GRM5: variants seen among roughly 807,000 people sequenced by gnomAD.
GRM5 encodes metabotropic glutamate receptor 5.
In GRM5, 19 loss-of-function variants were observed where a neutral mutation model predicts 83.1. That is an observed-to-expected ratio of 0.23 (90% CI 0.16 to 0.34). The LOEUF (loss-of-function observed/expected upper bound fraction) is 0.34, where lower values mean the gene tolerates loss of function less well. Ranked by LOEUF, GRM5 falls within the 10% of genes least tolerant of loss-of-function variation. The probability of loss-of-function intolerance (pLI) is 1.00; values close to 1 mark genes in which losing one functional copy is unlikely to be tolerated. For synonymous variants in GRM5, 675 were observed against 633.6 expected (o/e 1.07, Z -0.98); for missense variants, 1,160 against 1,588.3 (o/e 0.73, Z 4.58).
At chr11:88,662,406 G>A (rs11020838) in intron 3 of GRM5, among the ~76,000 whole-genome samples, 8,678 of 152,078 alleles carry the variant, frequency 0.057, 517 homozygotes, top group African/African-American at 0.16. Context: ...ACATGTATTG[G>A]AAAACAGGGA....
chr11:89,061,995 T>G (rs1173434819), intron 1 of GRM5, among the ~76,000 whole-genome samples: 1 of 152,312 alleles, frequency 6.6e-6, no homozygotes, highest in East Asian at 1.9e-4. Flanking sequence ...TGTACATTTT[T>G]CTCCTAAGAA....
At chr11:88,650,628 G>T (rs1217397676) in intron 4 of GRM5, among the ~76,000 whole-genome samples, 1 of 151,814 alleles carries the variant, frequency 6.6e-6, no homozygotes, top group African/African-American at 2.4e-5. Flanking sequence ...AAGAAACTAG[G>T]GTCAAAAGTA....
At chr11:88,576,139 G>A (rs947480127) in intron 7 of GRM5, among the ~76,000 whole-genome samples, 3 of 152,066 alleles carry the variant, frequency 2.0e-5, no homozygotes, top group Admixed American at 2.0e-4. Flanking sequence ...ATAATAAAGC[G>A]TGCTGACTGG....
chr11:88,854,116 A>G lies in GRM5; in HGVS notation c.662-3961T>C, dbSNP rs1418831469. On this transcript the variant is annotated intron_variant, in intron 2 of 9. Transcript: ENST00000305447. ...CTAGTCAGCCTAAAAACCCTAAAAA[A>G]TGGGTTTAAAAAGAAAAATTTCTGC... Among the ~76,000 whole-genome samples, 3 of 149,690 alleles carry G rather than the reference A, an allele frequency of 2.0e-5. No individual in the cohort carries two copies. In the Admixed American group the frequency reaches 2.0e-4, roughly 10 times the overall value.
At chr11:88,865,251 C>T (rs985886500) in intron 2 of GRM5, among the ~76,000 whole-genome samples, 1 of 151,966 alleles carries the variant, frequency 6.6e-6, no homozygotes, top group Non-Finnish European at 1.5e-5. Flanking sequence ...TCAGAAATAA[C>T]ACCACAAATC....
chr11:88,845,539 T>A (rs1182486901), intron 3 of GRM5, among the ~76,000 whole-genome samples: 2 of 150,226 alleles, frequency 1.3e-5, no homozygotes, highest in Non-Finnish European at 3.0e-5. Context: ...GTTTGCGCCA[T>A]TCTCCTGCCT....
chr11:89,002,772 T>G (rs1342950520), intron 2 of GRM5, among the ~76,000 whole-genome samples: 1 of 152,098 alleles, frequency 6.6e-6, no homozygotes, highest in Non-Finnish European at 1.5e-5. Context: ...GGCTTCCATT[T>G]TTATGAAGGA....
intron 2 of GRM5, among the ~76,000 whole-genome samples, chr11:88,912,610 T>TA (rs905955956): frequency 5.9e-5 from 9 of 152,190 alleles, no homozygotes; most frequent in African/African-American, 2.2e-4. Context: ...CATAAGTTTT[T>TA]AAAAAATGTC....
Position 88,941,005 on chromosome 11 carries a change from C to T in GRM5, c.662-90850G>A, listed in dbSNP as rs1417202713. Among the ~76,000 whole-genome samples, 7 of 151,914 alleles carry T rather than the reference C, an allele frequency of 4.6e-5. No homozygotes were observed. In the South Asian group the frequency reaches 8.3e-4, roughly 18 times the overall value. On this transcript the variant is annotated intron_variant, in intron 2 of 9. Transcript: ENST00000305447. ...CCCCTAACTCTATCATCAAAAGGGC[C>T]AAAGCACAATGAAACAACCAAGAGG...
chr11:88,655,042 C>T (rs1939731851), intron 3 of GRM5, among the ~76,000 whole-genome samples: 1 of 151,930 alleles, frequency 6.6e-6, no homozygotes, highest in African/African-American at 2.4e-5. Context: ...AAAAAATAAA[C>T]AGAAAGAACA....
intron 3 of GRM5, among the ~76,000 whole-genome samples, chr11:88,707,301 G>A (rs1334411343): frequency 6.6e-6 from 1 of 152,036 alleles, no homozygotes; most frequent in Non-Finnish European, 1.5e-5. Flanking sequence ...CCTGGGATTT[G>A]GTAGGTTCTA....
intron 3 of GRM5, among the ~76,000 whole-genome samples, chr11:88,735,353 G>A (rs187677094): frequency 3.2e-4 from 49 of 152,044 alleles, no homozygotes; most frequent in African/African-American, 8.7e-4. Flanking sequence ...GAAATAAAAC[G>A]AGTTTTCAGG....
chr11:88,553,320 C>T (rs765291111), intron 8 of GRM5, among the ~76,000 whole-genome samples: 14 of 152,156 alleles, frequency 9.2e-5, no homozygotes, highest in Non-Finnish European at 1.6e-4. Context: ...GTCCATTCTC[C>T]AGCAATAAGC....
At chr11:88,526,934 G>C (rs1941892564) in intron 8 of GRM5, among the ~76,000 whole-genome samples, 1 of 152,100 alleles carries the variant, frequency 6.6e-6, no homozygotes, top group South Asian at 2.1e-4. Flanking sequence ...AACAGTAGGA[G>C]AAGGAAGGAA....
chr11:88,567,043 C>A lies in GRM5; in HGVS notation c.2630+10G>T, dbSNP rs1393262708. 6.4e-7 allele frequency: 1 copy of A among 1,567,086 alleles called. No homozygotes were observed. The highest frequency in any genetic ancestry group is 1.8e-5 in the Admixed American group (1 of 56,412). On this transcript the variant is annotated intron_variant, in intron 8 of 9. Coordinates refer to ENST00000305447, the MANE Select transcript of GRM5 (RefSeq NM_001143831.3). This position sits in a 1 kb window ranked among gnomAD's most constrained non-coding sequence, Gnocchi z 7.3. ...GGGCCAGCATCCCTGTAAGCCCCCA[C>A]AACTTTTACCTTAAGGTTTCCCCAG...
intron 3 of GRM5, among the ~76,000 whole-genome samples, chr11:88,673,327 A>G (rs909065249): frequency 6.6e-6 from 1 of 151,896 alleles, no homozygotes; most frequent in African/African-American, 2.4e-5. Context: ...GAGTATGAGG[A>G]AGGAAAACAA....
At chr11:88,797,538 A>C (rs1943304645) in intron 3 of GRM5, among the ~76,000 whole-genome samples, 1 of 152,250 alleles carries the variant, frequency 6.6e-6, no homozygotes, top group African/African-American at 2.4e-5. Context: ...TAGCACAAAT[A>C]ATCTTACTAT....
intron 2 of GRM5, among the ~76,000 whole-genome samples, chr11:88,929,790 CA>C (rs1399142078): frequency 2.6e-5 from 4 of 151,906 alleles, no homozygotes; most frequent in African/African-American, 9.7e-5. Flanking sequence ...AGAGAGGCCT[CA>C]AAAAAATGAG....
chr11:88,557,110 A>G (rs1042706977), intron 8 of GRM5, among the ~76,000 whole-genome samples: 1 of 152,084 alleles, frequency 6.6e-6, no homozygotes, highest in Non-Finnish European at 1.5e-5. Flanking sequence ...TTGAATCCTA[A>G]ATTTTGGTTC....
Sources: gnomAD v4.1 joint callset for allele counts (sites outside exome capture counted in the v4.1 genomes callset) on GRCh38, gnomAD v4.1.1 for gene constraint, Gnocchi (gnomAD v3.1) non-coding constraint, MANE v1.5 for transcripts, NCBI Gene and HGNC (gene_info 2026-07-23, HGNC 2026-07-21) for gene names.